OSBPL10: variants seen among roughly 807,000 people sequenced by gnomAD.
The protein encoded by OSBPL10 is oxysterol binding protein like 10, also known as oxysterol-binding protein-related protein 10.
A neutral mutation model predicts 81.7 loss-of-function variants in OSBPL10; 49 were observed. The ratio of observed to expected loss-of-function variants is 0.60; its 90% confidence interval spans 0.48 to 0.76. The LOEUF (loss-of-function observed/expected upper bound fraction) is 0.76. Ranked by LOEUF, OSBPL10 falls within the 30% of genes least tolerant of loss-of-function variation. The probability of loss-of-function intolerance (pLI) is 0.00; values close to 1 mark genes in which losing one functional copy is unlikely to be tolerated. For missense variants in OSBPL10, 923 were observed against 987.8 expected (o/e 0.93, Z 0.88); for synonymous variants, 419 against 383.6 (o/e 1.09, Z -1.08).
chr3:31,687,178 G>C (rs1700813989), intron 7 of OSBPL10, among the ~76,000 whole-genome samples: 1 of 152,190 alleles, frequency 6.6e-6, no homozygotes, highest in Middle Eastern at 3.4e-3. Context: ...CCAGGGGAGG[G>C]GAAGGACAGA....
intron 4 of OSBPL10, among the ~76,000 whole-genome samples, chr3:31,812,764 A>ACTTCTCCAAT (rs1699726967): frequency 1.8e-5 from 1 of 56,192 alleles, no homozygotes; most frequent in African/African-American, 8.3e-5. Flanking sequence ...GAAAGAAAGA[A>ACTTCTCCAAT]AGAAAGAAAG....
intron 3 of OSBPL10, among the ~76,000 whole-genome samples, chr3:31,839,174 A>G (rs1256533600): frequency 6.6e-6 from 1 of 152,222 alleles, no homozygotes; most frequent in Non-Finnish European, 1.5e-5. Context: ...CCTAATTTTA[A>G]AAATATCAAC....
At chr3:31,757,949 C>G (rs1173055721) in intron 4 of OSBPL10, among the ~76,000 whole-genome samples, 1 of 152,166 alleles carries the variant, frequency 6.6e-6, no homozygotes, top group African/African-American at 2.4e-5. Context: ...AGAAGTTATC[C>G]TTTTGTAAGG....
intron 1 of OSBPL10, among the ~76,000 whole-genome samples, chr3:31,940,586 C>CA (rs1697506830): frequency 6.6e-6 from 1 of 152,186 alleles, no homozygotes; most frequent in Non-Finnish European, 1.5e-5. Context: ...GGATTTCATA[C>CA]CTGTATGATT....
At chr3:31,856,557 C>G (rs1227068781) in intron 3 of OSBPL10, among the ~76,000 whole-genome samples, 1 of 152,200 alleles carries the variant, frequency 6.6e-6, no homozygotes, top group Non-Finnish European at 1.5e-5. Context: ...GGAATCTATT[C>G]CCCCAAAGAC....
At chr3:31,888,805 T>C (rs1173607751) in intron 1 of OSBPL10, among the ~76,000 whole-genome samples, 2 of 151,948 alleles carry the variant, frequency 1.3e-5, no homozygotes, top group Admixed American at 6.6e-5. Context: ...ATGCCTATAA[T>C]CCCAGCTACT....
At position 32,061,476 on chromosome 3, in the gene OSBPL10, G is replaced by T. The variant is rs1043700400; in HGVS notation, n.186-14873C>A. Among the ~76,000 whole-genome samples the T allele has an allele frequency of 9.6e-5, 9 of 93,360 alleles. 2 individuals carry two copies. The highest frequency in any genetic ancestry group is 2.5e-4 in the African/African-American group (9 of 36,234). 61.2% of individuals were successfully genotyped at this position (93,360 alleles called of 152,430 possible). ...TGAAGCCCTTGAGGAAAACCTTAAGGTCCTCTACATTCTAAAACTCGTTCA... is the reference window on the plus strand; with the variant it reads ...TGAAGCCCTTGAGGAAAACCTTAAGTTCCTCTACATTCTAAAACTCGTTCA... On this transcript the variant is annotated intron_variant and non_coding_transcript_variant, in intron 1 of 3. Transcript: ENST00000479173.
At chr3:31,667,238 T>G (rs954438260) in intron 10 of OSBPL10, among the ~76,000 whole-genome samples, 2 of 152,228 alleles carry the variant, frequency 1.3e-5, no homozygotes, top group African/African-American at 4.8e-5. Flanking sequence ...ATGGGTTTCC[T>G]TCCTTATCGC....
At chr3:31,727,360 A>C (rs1360809595) in intron 6 of OSBPL10, among the ~76,000 whole-genome samples, 1 of 151,852 alleles carries the variant, frequency 6.6e-6, no homozygotes, top group Non-Finnish European at 1.5e-5. Context: ...AGACTATTCT[A>C]AGATTTAGTG....
At chr3:32,006,607 T>C (rs1433590660) in intron 2 of OSBPL10, among the ~76,000 whole-genome samples, 1 of 152,240 alleles carries the variant, frequency 6.6e-6, no homozygotes, top group Non-Finnish European at 1.5e-5. Flanking sequence ...GGATCTTGGT[T>C]GATCTGAAAT....
chr3:31,767,356 T>C (rs2125737020), intron 4 of OSBPL10, among the ~76,000 whole-genome samples: 1 of 152,308 alleles, frequency 6.6e-6, no homozygotes, highest in Non-Finnish European at 1.5e-5. Flanking sequence ...ATCTAAAAAA[T>C]ATAATTGTGT....
chr3:31,791,221 G>A (rs532144564), intron 4 of OSBPL10, among the ~76,000 whole-genome samples: 8 of 152,194 alleles, frequency 5.3e-5, no homozygotes, highest in Admixed American at 2.0e-4. Context: ...AAATCTTGTC[G>A]TTTAAAAACC....
At chr3:31,883,744 C>A (rs1263916708) in intron 1 of OSBPL10, among the ~76,000 whole-genome samples, 2 of 151,958 alleles carry the variant, frequency 1.3e-5, no homozygotes, top group African/African-American at 4.8e-5. Context: ...GTTGGCCAGG[C>A]AGGTCCTGAC....
intron 8 of OSBPL10, among the ~76,000 whole-genome samples, chr3:31,683,011 CAAAA>C (rs1038311214): frequency 6.6e-6 from 1 of 151,530 alleles, no homozygotes; most frequent in African/African-American, 2.4e-5. Context: ...ATTTGTGACT[CAAAA>C]AAAAGTTGAA....
chr3:31,806,534 C>CTT (rs1484453371), intron 4 of OSBPL10, among the ~76,000 whole-genome samples: 1 of 152,230 alleles, frequency 6.6e-6, no homozygotes, highest in Non-Finnish European at 1.5e-5. Flanking sequence ...TGAGCTTCCG[C>CTT]TTTGTACCCG....
At chr3:31,854,608 T>C (rs1430094563) in intron 3 of OSBPL10, among the ~76,000 whole-genome samples, 1 of 152,174 alleles carries the variant, frequency 6.6e-6, no homozygotes, top group African/African-American at 2.4e-5. Flanking sequence ...TTTTAAAAGT[T>C]GACAAAGAAA....
chr3:31,789,671 G>A (rs1358642991), intron 4 of OSBPL10, among the ~76,000 whole-genome samples: 1 of 152,218 alleles, frequency 6.6e-6, no homozygotes, highest in East Asian at 1.9e-4. Flanking sequence ...TCAGGATGGA[G>A]CTGCAAGTCA....
At chr3:32,010,799 G>A (rs184701590) in intron 2 of OSBPL10, among the ~76,000 whole-genome samples, 150 of 152,314 alleles carry the variant, frequency 9.8e-4, no homozygotes, top group African/African-American at 1.2e-3. Context: ...ATTACATCCC[G>A]TGCCTGGCTC....
At chr3:31,766,123 A>G (rs1302246435) in intron 4 of OSBPL10, among the ~76,000 whole-genome samples, 1 of 151,934 alleles carries the variant, frequency 6.6e-6, no homozygotes, top group Non-Finnish European at 1.5e-5. Flanking sequence ...CCAATCCTCT[A>G]GTTTCTTCTC....
Sources: allele counts gnomAD v4.1 joint callset (sites outside exome capture counted in the v4.1 genomes callset), GRCh38; gene constraint gnomAD v4.1.1; transcripts MANE v1.5; gene names NCBI Gene and HGNC (gene_info 2026-07-23, HGNC 2026-07-21).